The following CSMD3 variants were observed in gnomAD, a reference collection of about 807,000 sequenced individuals.
CSMD3 encodes CUB and Sushi multiple domains 3.
Under a neutral mutation model 435.2 loss-of-function variants are expected in CSMD3, and 177 were observed. The observed-to-expected ratio is 0.41, with a 90% CI of 0.36 to 0.46. The LOEUF (loss-of-function observed/expected upper bound fraction) is 0.46. Among genes scored for constraint, CSMD3 ranks in the 20% least tolerant of loss-of-function variants. The probability of loss-of-function intolerance (pLI) is 0.34; values close to 1 mark genes in which losing one functional copy is unlikely to be tolerated. For missense variants in CSMD3, 4,265 were observed against 4,504.6 expected, an observed-to-expected ratio of 0.95 and a Z score of 1.52; for synonymous variants, 1,656 against 1,520.5, an observed-to-expected ratio of 1.09 and a Z score of -2.07.
chr8:112,927,079 C>A (rs1251514939), intron 9 of CSMD3, among the ~76,000 whole-genome samples: 1 of 151,946 alleles, frequency 6.6e-6, no homozygotes, highest in East Asian at 1.9e-4. Flanking sequence ...CCAAAATGAC[C>A]ACAATAATGC....
intron 4 of CSMD3, among the ~76,000 whole-genome samples, chr8:113,156,620 G>T (rs1166146239): frequency 1.3e-5 from 2 of 151,750 alleles, no homozygotes; most frequent in African/African-American, 4.8e-5. Flanking sequence ...GAGAGAATAG[G>T]CTAAGCATAG....
chr8:112,773,945 G>A (rs569991970), intron 13 of CSMD3, among the ~76,000 whole-genome samples: 62 of 152,130 alleles, frequency 4.1e-4, no homozygotes, highest in African/African-American at 1.5e-3. Flanking sequence ...TTGGACCTGA[G>A]GCATTGTGAG....
intron 12 of CSMD3, among the ~76,000 whole-genome samples, chr8:112,819,825 G>A (rs1289702221): frequency 6.6e-6 from 1 of 152,046 alleles, no homozygotes; most frequent in East Asian, 1.9e-4. Flanking sequence ...ATGACAACAT[G>A]ACAACAGTCA....
chr8:112,823,103 G>C (rs1187344808), intron 12 of CSMD3, among the ~76,000 whole-genome samples: 1 of 152,008 alleles, frequency 6.6e-6, no homozygotes, highest in African/African-American at 2.4e-5. Flanking sequence ...TTCTTTTGTT[G>C]TTGTGTCTTT....
At chr8:112,253,226 T>C (rs1815447545) in intron 63 of CSMD3, among the ~76,000 whole-genome samples, 1 of 151,898 alleles carries the variant, frequency 6.6e-6, no homozygotes, top group Admixed American at 6.6e-5. Flanking sequence ...GTGCAGCTAG[T>C]TGCCCATTTT....
intron 10 of CSMD3, among the ~76,000 whole-genome samples, chr8:112,920,955 A>G: frequency 6.8e-6 from 1 of 146,856 alleles, no homozygotes; most frequent in African/African-American, 2.5e-5. Flanking sequence ...ATATACACAT[A>G]CTGGTATTTA....
chr8:112,984,268 A>G (rs1381817033), intron 6 of CSMD3, among the ~76,000 whole-genome samples: 1 of 151,928 alleles, frequency 6.6e-6, no homozygotes, highest in African/African-American at 2.4e-5. Flanking sequence ...TTACACAAAT[A>G]CCTTTCATTT....
chr8:112,573,245 T>C (rs1269347165), intron 24 of CSMD3, among the ~76,000 whole-genome samples: 1 of 152,110 alleles, frequency 6.6e-6, no homozygotes, highest in African/African-American at 2.4e-5. Flanking sequence ...TAAAACTACC[T>C]AAGTAAATAA....
chr8:112,369,523 T>G (rs1487218213), intron 38 of CSMD3, among the ~76,000 whole-genome samples: 4 of 152,146 alleles, frequency 2.6e-5, no homozygotes, highest in Non-Finnish European at 5.9e-5. Flanking sequence ...CATGGAATAC[T>G]ATGTAGTCAT....
chr8:113,388,172 C>T (rs1002974701), intron 1 of CSMD3, among the ~76,000 whole-genome samples: 5 of 151,580 alleles, frequency 3.3e-5, no homozygotes, highest in Non-Finnish European at 7.4e-5. Flanking sequence ...TAAGATTTTT[C>T]ATAGCGGACA....
intron 2 of CSMD3, among the ~76,000 whole-genome samples, chr8:113,290,530 T>C (rs2093679071): frequency 6.6e-6 from 1 of 151,680 alleles, no homozygotes; most frequent in Non-Finnish European, 1.5e-5. Context: ...CACTGCCCTC[T>C]GAGATGATTA....
At chr8:113,360,317 T>A (rs191580306) in intron 1 of CSMD3, among the ~76,000 whole-genome samples, 3 of 152,196 alleles carry the variant, frequency 2.0e-5, no homozygotes, top group African/African-American at 7.2e-5. Flanking sequence ...TTCCCTAGCC[T>A]CTATAACACT....
chr8:112,495,932 ATATT>A (rs1470701460), intron 30 of CSMD3, among the ~76,000 whole-genome samples: 1 of 151,202 alleles, frequency 6.6e-6, no homozygotes. Flanking sequence ...GTATATATAT[ATATT>A]TATACTATAT....
At chr8:112,638,668 T>G in intron 21 of CSMD3, 28 bp downstream of exon 21, 1 of 1,334,846 alleles carries the variant, frequency 7.5e-7, no homozygotes, top group African/African-American at 1.4e-5. Flanking sequence ...AGTTACTGAA[T>G]GAGCCCTTTT....
In CSMD3 at chr8:112,690,025, A is replaced by T. The variant is rs2131825360; in HGVS notation, c.1998T>A (p.Asp666Glu). Reference sequence around the variant, plus strand: ...TAATTCCATATAAGGGTGTACCAGGATCACCACAACTTTCTTTCTCAATTT... The same window carrying T: ...TAATTCCATATAAGGGTGTACCAGGTTCACCACAACTTTCTTTCTCAATTT... ...YKEIEKESCG[D>E]PGTPLYGIRE... The change falls in exon 14 of 71, where the codon GAT (aspartate) becomes GAA (glutamate). Residue 666 changes from aspartate to glutamate, a missense_variant. Physicochemically the swap from Asp to Glu is conservative, Grantham distance 45 (BLOSUM62 2). This residue lies in a region of CSMD3 where 279 missense variants were observed against 369.0 expected (regional missense o/e 0.76). Transcript: ENST00000297405. 9 of 1,613,244 alleles carry T rather than the reference A, an allele frequency of 5.6e-6. No homozygotes were observed. The highest frequency in any genetic ancestry group is 7.6e-6 in the Non-Finnish European group (9 of 1,179,412).
intron 27 of CSMD3, among the ~76,000 whole-genome samples, chr8:112,530,055 T>A (rs1038566926): frequency 6.6e-6 from 1 of 151,576 alleles, no homozygotes; most frequent in African/African-American, 2.4e-5. Context: ...GCAGACTAGA[T>A]CAAGCTAATA....
chr8:112,518,326 C>A (rs1823896420), intron 27 of CSMD3, among the ~76,000 whole-genome samples: 1 of 151,374 alleles, frequency 6.6e-6, no homozygotes, highest in Non-Finnish European at 1.5e-5. Context: ...CTAAGTGAGA[C>A]TCTGTCTCTA....
intron 16 of CSMD3, among the ~76,000 whole-genome samples, chr8:112,667,287 T>C (rs2075549022): frequency 6.6e-6 from 1 of 152,128 alleles, no homozygotes; most frequent in Non-Finnish European, 1.5e-5. Context: ...ATTTCCTGTA[T>C]TGGTAAATGA....
intron 38 of CSMD3, among the ~76,000 whole-genome samples, chr8:112,379,275 G>C (rs949697757): frequency 1.3e-5 from 2 of 152,130 alleles, no homozygotes; most frequent in Admixed American, 6.5e-5. Context: ...TTCGATACCA[G>C]CCTGACCAAC....
Sources: allele counts gnomAD v4.1 joint callset (sites outside exome capture counted in the v4.1 genomes callset), GRCh38; gene constraint gnomAD v4.1.1; regional missense constraint gnomAD v4.1.1; transcripts MANE v1.5; gene names NCBI Gene and HGNC (gene_info 2026-07-23, HGNC 2026-07-21).